The following GABRB1 variants were observed in gnomAD, a reference collection of about 807,000 sequenced individuals.
GABRB1 encodes the protein gamma-aminobutyric acid receptor subunit beta-1.
Under a neutral mutation model 51.6 loss-of-function variants are expected in GABRB1, and 17 were observed. That is an observed-to-expected ratio of 0.33 (90% CI 0.23 to 0.49). The LOEUF (loss-of-function observed/expected upper bound fraction) is 0.49. Ranked by LOEUF, GABRB1 falls within the 20% of genes least tolerant of loss-of-function variation. The pLI is 0.99. For missense variants in GABRB1, 410 were observed against 600.6 expected, an observed-to-expected ratio of 0.68 and a Z score of 3.32; for synonymous variants, 247 against 218.9, an observed-to-expected ratio of 1.13 and a Z score of -1.14.
intron 4 of GABRB1, among the ~76,000 whole-genome samples, chr4:47,168,066 A>G (rs1307534007): frequency 1.3e-5 from 2 of 152,236 alleles, no homozygotes; most frequent in Non-Finnish European, 2.9e-5. Context: ...TTGTAAGTAT[A>G]TACAGAGTGA....
At chr4:47,031,484 T>G (rs918269923), upstream of GABRB1, 2 of 625,236 alleles carry the variant, frequency 3.2e-6, no homozygotes, top group African/African-American at 3.7e-5. Flanking sequence ...GATTGAAATC[T>G]GTTGCCTGTT....
intron 3 of GABRB1, among the ~76,000 whole-genome samples, chr4:47,046,678 T>C (rs890658761): frequency 1.4e-4 from 19 of 138,220 alleles, no homozygotes; most frequent in Admixed American, 1.1e-3. Flanking sequence ...TAATTGATAT[T>C]CCAAGTAGGG....
intron 4 of GABRB1, among the ~76,000 whole-genome samples, chr4:47,266,777 T>C (rs953197205): frequency 6.6e-6 from 1 of 152,138 alleles, no homozygotes; most frequent in African/African-American, 2.4e-5. Flanking sequence ...GAATATTCTG[T>C]GAATGTCTGT....
chr4:47,055,756 C>A (rs552657523), intron 3 of GABRB1, among the ~76,000 whole-genome samples: 1 of 152,140 alleles, frequency 6.6e-6, no homozygotes, highest in Non-Finnish European at 1.5e-5. Flanking sequence ...TTAGACTTCG[C>A]CCTTCCCATC....
At chr4:47,063,427 T>C (rs1726927963) in intron 3 of GABRB1, among the ~76,000 whole-genome samples, 1 of 152,146 alleles carries the variant, frequency 6.6e-6, no homozygotes, top group Non-Finnish European at 1.5e-5. Context: ...GTCGGCACAA[T>C]GGATGGTAGC....
intron 3 of GABRB1, among the ~76,000 whole-genome samples, chr4:47,061,337 T>A (rs1726838212): frequency 6.6e-6 from 1 of 152,206 alleles, no homozygotes; most frequent in South Asian, 2.1e-4. Flanking sequence ...TTAAAAGCTT[T>A]GAGAAGTGAT....
intron 4 of GABRB1, among the ~76,000 whole-genome samples, chr4:47,215,760 A>G (rs536943703): frequency 6.6e-6 from 1 of 152,214 alleles, no homozygotes; most frequent in Middle Eastern, 3.4e-3. Context: ...ACTTATTTAC[A>G]AGAAATAAAC....
chr4:47,277,676 A>G (rs1272831450), intron 4 of GABRB1, among the ~76,000 whole-genome samples: 1 of 152,044 alleles, frequency 6.6e-6, no homozygotes, highest in East Asian at 1.9e-4. Flanking sequence ...AAAATTTTAA[A>G]TATAAAAAGT....
At chr4:47,292,924 A>T (rs192837753) in intron 4 of GABRB1, among the ~76,000 whole-genome samples, 179 of 152,344 alleles carry the variant, frequency 1.2e-3, no homozygotes, top group Middle Eastern at 6.8e-3. Flanking sequence ...CTCATGGCCA[A>T]GTCACCTCTT....
chr4:47,054,078 G>A (rs1315007022), intron 3 of GABRB1, among the ~76,000 whole-genome samples: 1 of 151,294 alleles, frequency 6.6e-6, no homozygotes, highest in South Asian at 2.1e-4. Context: ...CTCATTACCT[G>A]TGTAATATGA....
At chr4:47,320,049 G>A in intron 4 of GABRB1, 78 bp from the exon 5 acceptor site, 1 of 987,852 alleles carries the variant, frequency 1.0e-6, no homozygotes, top group Non-Finnish European at 1.6e-6. Flanking sequence ...TGGTAAACAT[G>A]ATTTGGGGCT....
At chr4:47,297,787 C>A (rs1218369042) in intron 4 of GABRB1, among the ~76,000 whole-genome samples, 1 of 152,118 alleles carries the variant, frequency 6.6e-6, no homozygotes, top group Non-Finnish European at 1.5e-5. Context: ...ATATCAAAGC[C>A]GGGCAGAGAC....
At chr4:47,261,606 G>A (rs1342588873) in intron 4 of GABRB1, among the ~76,000 whole-genome samples, 4 of 152,014 alleles carry the variant, frequency 2.6e-5, no homozygotes, top group African/African-American at 9.7e-5. Context: ...TCGTGAAAAT[G>A]GCCATACTGC....
At chr4:47,369,867 A>G (rs1471025735) in intron 5 of GABRB1, among the ~76,000 whole-genome samples, 1 of 152,238 alleles carries the variant, frequency 6.6e-6, no homozygotes, top group Non-Finnish European at 1.5e-5. Flanking sequence ...TCATAATTTC[A>G]AGAATAGTTA....
At chr4:47,246,898 A>T (rs546184759) in intron 4 of GABRB1, among the ~76,000 whole-genome samples, 1 of 150,776 alleles carries the variant, frequency 6.6e-6, no homozygotes, top group South Asian at 2.1e-4. Context: ...GATTTGTTTG[A>T]GTTTGTTGTA....
intron 4 of GABRB1, among the ~76,000 whole-genome samples, chr4:47,274,144 G>C (rs1373085672): frequency 2.0e-5 from 3 of 151,804 alleles, no homozygotes; most frequent in Non-Finnish European, 4.4e-5. Flanking sequence ...CAAATTCCTG[G>C]CTCAAATCCA....
At chr4:47,217,218 A>T (rs1245256828) in intron 4 of GABRB1, among the ~76,000 whole-genome samples, 1 of 151,894 alleles carries the variant, frequency 6.6e-6, no homozygotes, top group Non-Finnish European at 1.5e-5. Context: ...TAGCAATGTG[A>T]TCTAGGTAGG....
intron 5 of GABRB1, among the ~76,000 whole-genome samples, chr4:47,381,470 G>A (rs955351597): frequency 2.0e-5 from 3 of 152,262 alleles, no homozygotes; most frequent in East Asian, 1.9e-4. Context: ...TTCTCTCCCC[G>A]TGCGTGTTCA....
intron 5 of GABRB1, among the ~76,000 whole-genome samples, chr4:47,331,797 C>T (rs1725492510): frequency 6.6e-6 from 1 of 152,090 alleles, no homozygotes; most frequent in African/African-American, 2.4e-5. Context: ...AAAGATTCCC[C>T]ACTGATTTCT....
Sources: allele counts gnomAD v4.1 joint callset (sites outside exome capture counted in the v4.1 genomes callset), GRCh38; gene constraint gnomAD v4.1.1; transcripts MANE v1.5; gene names NCBI Gene and HGNC (gene_info 2026-07-23, HGNC 2026-07-21).